The following CNTNAP2 variants were observed in gnomAD, a reference collection of about 807,000 sequenced individuals.
CNTNAP2 encodes contactin associated protein 2.
Under a neutral mutation model 155.2 loss-of-function variants are expected in CNTNAP2, and 98 were observed. That is an observed-to-expected ratio of 0.63 (90% CI 0.54 to 0.75). The LOEUF (loss-of-function observed/expected upper bound fraction) is 0.75. CNTNAP2 is among the 30% of genes least tolerant of loss of function. The pLI, the probability that CNTNAP2 is intolerant of heterozygous loss-of-function variation, is 0.00. For synonymous variants in CNTNAP2, 651 were observed against 631.2 expected, an observed-to-expected ratio of 1.03 and a Z score of -0.47; for missense variants, 1,727 against 1,688.1, an observed-to-expected ratio of 1.02 and a Z score of -0.40.
chr7:147,599,849 A>G (rs977265523), intron 12 of CNTNAP2, among the ~76,000 whole-genome samples: 3 of 152,184 alleles, frequency 2.0e-5, no homozygotes, highest in Non-Finnish European at 4.4e-5. Context: ...GCTATTTCCA[A>G]ATAAGATCAC....
chr7:147,235,932 G>A (rs1378319565), intron 8 of CNTNAP2, among the ~76,000 whole-genome samples: 6 of 152,142 alleles, frequency 3.9e-5, no homozygotes, highest in African/African-American at 7.2e-5. Context: ...ATGAAAGACC[G>A]TGAATTCACA....
chr7:146,930,699 T>A (rs1356137962), intron 3 of CNTNAP2, among the ~76,000 whole-genome samples: 1 of 152,070 alleles, frequency 6.6e-6, no homozygotes, highest in African/African-American at 2.4e-5. Context: ...CCATCTCACA[T>A]GCAGAGACAC....
intron 3 of CNTNAP2, among the ~76,000 whole-genome samples, chr7:146,887,947 G>A (rs991320699): frequency 6.6e-5 from 10 of 152,006 alleles, no homozygotes; most frequent in African/African-American, 2.4e-4. Context: ...CTGACTTAGG[G>A]TTGTTCTGTA....
At chr7:148,173,624 C>T (rs746333580) in intron 18 of CNTNAP2, among the ~76,000 whole-genome samples, 1 of 152,214 alleles carries the variant, frequency 6.6e-6, no homozygotes, top group Non-Finnish European at 1.5e-5. Context: ...GAAAGGAACA[C>T]CATTGCAGAA....
chr7:146,503,376 A>T (rs1335813186), intron 1 of CNTNAP2, among the ~76,000 whole-genome samples: 1 of 152,218 alleles, frequency 6.6e-6, no homozygotes, highest in East Asian at 1.9e-4. Context: ...TTAAAACATT[A>T]TGAAATTTAT....
Position 146,274,386 on chromosome 7 carries a change from T to G in CNTNAP2, c.97+157413T>G, listed in dbSNP as rs149863256. ...CTGAGTTGAATATCAGGAGAGAGTT[T>G]TCATTCTTCTATGATTTGGAAGTTA... On this transcript the variant is annotated intron_variant, in intron 1 of 23. Coordinates refer to ENST00000361727, the MANE Select transcript of CNTNAP2 (RefSeq NM_014141.6). 3.1e-3 allele frequency among the ~76,000 whole-genome samples: 475 copies of G among 152,296 alleles called. 3 individuals carry two copies. The highest frequency in any genetic ancestry group is 0.014 in the Middle Eastern group (4 of 294).
chr7:146,788,803 C>A (rs1802622836), intron 2 of CNTNAP2, among the ~76,000 whole-genome samples: 1 of 152,076 alleles, frequency 6.6e-6, no homozygotes, highest in Non-Finnish European at 1.5e-5. Context: ...TCTTTTTGGT[C>A]ATTTCAAGAC....
chr7:147,306,686 C>T (rs963174718), intron 9 of CNTNAP2, among the ~76,000 whole-genome samples: 1 of 152,124 alleles, frequency 6.6e-6, no homozygotes, highest in African/African-American at 2.4e-5. Context: ...GAAGAGAACA[C>T]CCAGCTAAGA....
intron 10 of CNTNAP2, among the ~76,000 whole-genome samples, chr7:147,476,207 A>G (rs28645544): frequency 0.8 from 121,961 of 151,940 alleles, 49,583 homozygotes; most frequent in African/African-American, 0.94. Context: ...CTGGGTTCAC[A>G]CCATTCTCCT....
intron 11 of CNTNAP2, among the ~76,000 whole-genome samples, chr7:147,522,939 A>T (rs1048153159): frequency 6.6e-6 from 1 of 152,204 alleles, no homozygotes; most frequent in African/African-American, 2.4e-5. Context: ...AATCAAATGA[A>T]TTCATTTTCA....
chr7:147,776,830 C>G (rs1797592277), intron 13 of CNTNAP2, among the ~76,000 whole-genome samples: 1 of 151,302 alleles, frequency 6.6e-6, no homozygotes. Context: ...TCATTTGTTT[C>G]TTTCTTTAAT....
At chr7:148,066,108 G>A (rs1172806973) in intron 15 of CNTNAP2, among the ~76,000 whole-genome samples, 1 of 152,126 alleles carries the variant, frequency 6.6e-6, no homozygotes, top group Non-Finnish European at 1.5e-5. Context: ...CTAAAGATAG[G>A]GCCCCAATCC....
chr7:146,532,131 A>G (rs981155668), intron 1 of CNTNAP2, among the ~76,000 whole-genome samples: 2 of 152,168 alleles, frequency 1.3e-5, no homozygotes, highest in Admixed American at 1.3e-4. Context: ...GAATATTTAC[A>G]ATGAGGAGAG....
At chr7:148,215,274 A>G (rs1795616223) in intron 18 of CNTNAP2, among the ~76,000 whole-genome samples, 1 of 152,226 alleles carries the variant, frequency 6.6e-6, no homozygotes, top group Non-Finnish European at 1.5e-5. Flanking sequence ...GGAAAAAAGG[A>G]GGAGGATTAC....
intron 13 of CNTNAP2, among the ~76,000 whole-genome samples, chr7:147,764,566 G>C (rs1797356335): frequency 6.6e-6 from 1 of 152,070 alleles, no homozygotes; most frequent in Non-Finnish European, 1.5e-5. Flanking sequence ...CCTTAAAATT[G>C]AACATAGAAT....
In CNTNAP2 at chr7:147,188,771, T is replaced by C. The variant is rs527970933; in HGVS notation, c.1348+56262T>C. 3.3e-5 allele frequency among the ~76,000 whole-genome samples: 5 copies of C among 152,292 alleles called. No homozygotes were observed. The South Asian group carries it at 1.0e-3, about 32-fold the overall frequency. On this transcript the variant is annotated intron_variant, in intron 8 of 23. Transcript: ENST00000361727. ...GAAATATGCAGTAGGGTTTGCATCATGGGAACAAAGAAGATTAATTTGATG... is the reference window on the plus strand; with the variant it reads ...GAAATATGCAGTAGGGTTTGCATCACGGGAACAAAGAAGATTAATTTGATG...
At chr7:147,244,730 G>C (rs1448228059) in intron 8 of CNTNAP2, among the ~76,000 whole-genome samples, 1 of 152,206 alleles carries the variant, frequency 6.6e-6, no homozygotes, top group Non-Finnish European at 1.5e-5. Context: ...TGATTGAAGA[G>C]AGGTTGTAAT....
At chr7:146,527,529 G>T (rs1299462765) in intron 1 of CNTNAP2, among the ~76,000 whole-genome samples, 1 of 149,300 alleles carries the variant, frequency 6.7e-6, no homozygotes. Flanking sequence ...GATGGTATTT[G>T]TAAGGGTATA....
chr7:146,986,584 T>C (rs1798118082), intron 3 of CNTNAP2, among the ~76,000 whole-genome samples: 1 of 152,296 alleles, frequency 6.6e-6, no homozygotes, highest in Admixed American at 6.5e-5. Context: ...CTCCTCACTG[T>C]TTTCCACAGT....
Sources: allele counts gnomAD v4.1 joint callset (sites outside exome capture counted in the v4.1 genomes callset), GRCh38; gene constraint gnomAD v4.1.1; transcripts MANE v1.5; gene names NCBI Gene and HGNC (gene_info 2026-07-23, HGNC 2026-07-21).